Variants in VTI1A observed in about 807,000 individuals in gnomAD.
The protein encoded by VTI1A is vesicle transport through interaction with t-SNAREs homolog 1A.
VTI1A carries 22 observed loss-of-function variants against 34.9 expected under a neutral mutation model. The ratio of observed to expected loss-of-function variants is 0.63; its 90% CI spans 0.45 to 0.90. The LOEUF (loss-of-function observed/expected upper bound fraction) is 0.90. Ranked by LOEUF, VTI1A falls within the 40% of genes least tolerant of loss-of-function variation. The pLI is 0.00. For synonymous variants in VTI1A, 87 were observed against 97.3 expected, an observed-to-expected ratio of 0.89 and a Z score of 0.62; for missense variants, 268 against 275.6, an observed-to-expected ratio of 0.97 and a Z score of 0.20.
At chr10:112,620,697 G>A (rs567955162) in intron 5 of VTI1A, among the ~76,000 whole-genome samples, 6 of 151,894 alleles carry the variant, frequency 4.0e-5, no homozygotes, top group African/African-American at 1.2e-4. Context: ...GGCTGAGGCA[G>A]GAGAATCGCT....
At chr10:112,540,269 A>T (rs1850815768) in intron 5 of VTI1A, among the ~76,000 whole-genome samples, 1 of 152,244 alleles carries the variant, frequency 6.6e-6, no homozygotes, top group South Asian at 2.1e-4. Flanking sequence ...TGTGTGCTAA[A>T]ACATAACATC....
At chr10:112,538,493 C>A in intron 5 of VTI1A, 163 bp downstream of exon 5, 1 of 622,562 alleles carries the variant, frequency 1.6e-6, no homozygotes, top group Non-Finnish European at 2.8e-6. Context: ...TATCTTTTTT[C>A]AAGTTAAAAG....
chr10:112,483,189 A>G (rs950938154), intron 3 of VTI1A, among the ~76,000 whole-genome samples: 5 of 152,268 alleles, frequency 3.3e-5, no homozygotes, highest in Admixed American at 2.0e-4. Context: ...TGGAATCTAG[A>G]AAGTACTAAG....
At chr10:112,769,489 T>A (rs1481792748) in intron 7 of VTI1A, among the ~76,000 whole-genome samples, 1 of 152,208 alleles carries the variant, frequency 6.6e-6, no homozygotes, top group Non-Finnish European at 1.5e-5. Flanking sequence ...TTCCCTATCT[T>A]CATGTCTTTG....
intron 7 of VTI1A, among the ~76,000 whole-genome samples, chr10:112,794,604 C>T (rs1005863924): frequency 6.6e-6 from 1 of 151,998 alleles, no homozygotes; most frequent in African/African-American, 2.4e-5. Context: ...ATTATGATCC[C>T]AACGCCTAGA....
At chr10:112,838,663 C>T in the VTI1A span, among the ~76,000 whole-genome samples, 10 of 152,146 alleles carry the variant, frequency 6.6e-5, no homozygotes, top group South Asian at 2.1e-4. Flanking sequence ...AGGGCAAGAA[C>T]GGGGGCACAG....
At chr10:112,470,708 A>G (rs1028454257) in intron 3 of VTI1A, among the ~76,000 whole-genome samples, 5 of 152,094 alleles carry the variant, frequency 3.3e-5, no homozygotes, top group African/African-American at 1.2e-4. Context: ...CCTGGCCAAC[A>G]TGGTGAAACC....
At position 112,673,483 on chromosome 10, in the gene VTI1A, C is replaced by CACACACAT. The variant is rs34420570; in HGVS notation, c.560+4485_560+4486insACACACAT. On this transcript the variant is annotated intron_variant, in intron 7 of 7. Transcript: ENST00000393077. ...GCGTGCGCGCGCACACACACACACACGCACTCAGATTGTTTCCTTCAGAAA... is the reference window on the plus strand; with the variant it reads ...GCGTGCGCGCGCACACACACACACACACACACATGCACTCAGATTGTTTCCTTCAGAAA... 5.3e-5 allele frequency among the ~76,000 whole-genome samples: 8 copies of CACACACAT among 151,848 alleles called. No individual in the cohort carries two copies. The South Asian group carries it at 6.2e-4, about 12-fold the overall frequency.
intron 5 of VTI1A, among the ~76,000 whole-genome samples, chr10:112,563,600 C>T (rs1851806234): frequency 6.6e-6 from 1 of 152,210 alleles, no homozygotes; most frequent in South Asian, 2.1e-4. Context: ...GACATTAACA[C>T]GCTTGAGGAA....
chr10:112,563,659 A>T (rs1326401628), intron 5 of VTI1A, among the ~76,000 whole-genome samples: 2 of 152,212 alleles, frequency 1.3e-5, no homozygotes, highest in Non-Finnish European at 2.9e-5. Context: ...GCCAACAATG[A>T]AAGACTGTCT....
At chr10:112,638,300 C>T (rs1195610492) in intron 5 of VTI1A, among the ~76,000 whole-genome samples, 2 of 151,920 alleles carry the variant, frequency 1.3e-5, no homozygotes, top group East Asian at 1.9e-4. Context: ...CATTGAGAGC[C>T]CCAGGGATAA....
intron 7 of VTI1A, among the ~76,000 whole-genome samples, chr10:112,738,752 T>C (rs1850588244): frequency 1.3e-5 from 2 of 152,216 alleles, no homozygotes; most frequent in Admixed American, 1.3e-4. Flanking sequence ...GAATGAGGGC[T>C]GTCCTCTATT....
intron 3 of VTI1A, among the ~76,000 whole-genome samples, chr10:112,501,040 G>T (rs1473511012): frequency 6.6e-6 from 1 of 152,106 alleles, no homozygotes; most frequent in East Asian, 1.9e-4. Context: ...AGTATGTCAA[G>T]TTTACACTTA....
rs1203500712 is a variant in VTI1A, at chr10:112,659,780, T to A, written c.428-8438T>A. Among the ~76,000 whole-genome samples, 3 of 152,218 alleles carry A rather than the reference T, an allele frequency of 2.0e-5. No homozygotes were observed. In the East Asian group the frequency reaches 5.8e-4, roughly 29 times the overall value. ...GTCTTTAGCTATATTTCTTTAAGAATATGTTAAGTTTACCTTCAGTTGAGA... is the reference window on the plus strand; with the variant it reads ...GTCTTTAGCTATATTTCTTTAAGAAAATGTTAAGTTTACCTTCAGTTGAGA... On this transcript the variant is annotated intron_variant, in intron 5 of 7. Transcript: ENST00000393077.
Position 112,659,427 on chromosome 10 carries a change from A to G in VTI1A, c.428-8791A>G, listed in dbSNP as rs1847363477. 2.6e-5 allele frequency among the ~76,000 whole-genome samples: 4 copies of G among 152,178 alleles called. No homozygotes were observed. The South Asian group carries it at 8.3e-4, about 31-fold the overall frequency. ...ATGGTTCCTTTTGTTTAACAACCTC[A>G]ATTTACATAGTACCTGCTCATTCCA... On this transcript the variant is annotated intron_variant, in intron 5 of 7. Coordinates refer to ENST00000393077, the MANE Select transcript of VTI1A (RefSeq NM_145206.4).
intron 3 of VTI1A, among the ~76,000 whole-genome samples, chr10:112,488,419 G>T (rs1848716486): frequency 1.3e-5 from 2 of 152,084 alleles, no homozygotes; most frequent in South Asian, 4.2e-4. Flanking sequence ...TCATTATAAT[G>T]CAGAGCTTTC....
At chr10:112,458,645 TA>T (rs1250231205) in intron 1 of VTI1A, among the ~76,000 whole-genome samples, 23 of 103,694 alleles carry the variant, frequency 2.2e-4, no homozygotes, top group African/African-American at 1.1e-3. Flanking sequence ...ATTATATATA[TA>T]TTTTTATTTT....
chr10:112,643,482 C>T (rs1290688843), intron 5 of VTI1A, among the ~76,000 whole-genome samples: 2 of 152,216 alleles, frequency 1.3e-5, no homozygotes, highest in East Asian at 3.9e-4. Context: ...GATTATTACT[C>T]TTGAGACCAT....
Position 112,538,333 on chromosome 10 carries a change from A to G in VTI1A, c.427+3A>G, listed in dbSNP as rs760121046. 16 of 1,613,008 alleles carry G rather than the reference A, an allele frequency of 9.9e-6. No individual in the cohort carries two copies. In the South Asian group the frequency reaches 1.6e-4, roughly 17 times the overall value. ...ATACCAAATAGCAGTGGAAACCGGTAAGAATTCTGAGAGTGAGCAAATTGT... is the reference window on the plus strand; with the variant it reads ...ATACCAAATAGCAGTGGAAACCGGTGAGAATTCTGAGAGTGAGCAAATTGT... On this transcript the variant is annotated splice_donor_region_variant and intron_variant, in intron 5 of 7. Coordinates refer to ENST00000393077, the MANE Select transcript of VTI1A (RefSeq NM_145206.4).
Sources: gnomAD v4.1 joint callset for allele counts (sites outside exome capture counted in the v4.1 genomes callset) on GRCh38, gnomAD v4.1.1 for gene constraint, MANE v1.5 for transcripts, NCBI Gene and HGNC (gene_info 2026-07-23, HGNC 2026-07-21) for gene names.